Variants in AVEN observed in about 807,000 individuals in gnomAD.
The protein encoded by AVEN is cell death regulator Aven.
In AVEN, 41 loss-of-function variants were observed where a neutral mutation model predicts 38.1. The ratio of observed to expected loss-of-function variants is 1.08; its 90% CI spans 0.84 to 1.40. AVEN has a LOEUF of 1.40. Among genes scored for constraint, AVEN ranks in the 40% most tolerant of loss-of-function variants. The pLI is 0.00. For synonymous variants in AVEN, 206 were observed against 171.8 expected (o/e 1.20, Z -1.56); for missense variants, 605 against 438.8 (o/e 1.38, Z -3.38).
At chr15:34,053,299 C>CAAAA (rs71454513) in intron 5 of AVEN, among the ~76,000 whole-genome samples, 160 of 51,530 alleles carry the variant, frequency 3.1e-3, no homozygotes, top group African/African-American at 5.5e-3. Flanking sequence ...GACTCCATCT[C>CAAAA]AAAAAAAAAA....
intron 2 of AVEN, among the ~76,000 whole-genome samples, chr15:33,937,258 G>C (rs1423948716): frequency 6.6e-6 from 1 of 151,812 alleles, no homozygotes. Flanking sequence ...ATCAGGGCCG[G>C]GCACGGTGGC....
downstream of AVEN, chr15:33,855,013 G>T (rs183705714): frequency 1.7e-3 from 2,087 of 1,200,116 alleles, 8 homozygotes; most frequent in Admixed American, 2.1e-3. Flanking sequence ...AATATGTCTT[G>T]GTATATAATG....
Position 33,897,605 on chromosome 15 carries a change from T to C in AVEN, c.446-21610A>G, listed in dbSNP as rs558643976. Among the ~76,000 whole-genome samples the C allele has an allele frequency of 1.3e-4, 20 of 152,168 alleles. No individual in the cohort carries two copies. In the South Asian group the frequency reaches 4.1e-3, roughly 32 times the overall value. On this transcript the variant is annotated intron_variant, in intron 2 of 5. Coordinates refer to ENST00000306730, the MANE Select transcript of AVEN (RefSeq NM_020371.3). The stretch of plus-strand genomic sequence containing the variant: ...TTTTTTAAACAACAGCTGCCAGGCC[T>C]GGTGGCTCATGCCTATAATCCCAGC...
chr15:33,922,999 C>T (rs1262876475), intron 2 of AVEN, among the ~76,000 whole-genome samples: 1 of 152,136 alleles, frequency 6.6e-6, no homozygotes, highest in African/African-American at 2.4e-5. Flanking sequence ...TGTATATATA[C>T]ACTTAATGAA....
chr15:33,957,218 A>G (rs1359197284), intron 2 of AVEN, among the ~76,000 whole-genome samples: 1 of 152,222 alleles, frequency 6.6e-6, no homozygotes, highest in African/African-American at 2.4e-5. Context: ...CATAGATTTC[A>G]ATTCTCTTAG....
intron 2 of AVEN, among the ~76,000 whole-genome samples, chr15:33,897,221 C>T (rs185271584): frequency 1.4e-3 from 207 of 152,224 alleles, no homozygotes; most frequent in Non-Finnish European, 1.5e-3. Flanking sequence ...AGACTACTTA[C>T]ATTTGTAAAA....
chr15:33,924,596 A>G (rs1893542716), intron 2 of AVEN, among the ~76,000 whole-genome samples: 2 of 152,212 alleles, frequency 1.3e-5, no homozygotes, highest in South Asian at 2.1e-4. Flanking sequence ...TGCTGGGATT[A>G]TAGGCGTGAG....
upstream of AVEN, among the ~76,000 whole-genome samples, chr15:34,041,679 C>T (rs907923908): frequency 6.6e-6 from 1 of 152,140 alleles, no homozygotes; most frequent in Non-Finnish European, 1.5e-5. Context: ...TTTTTTAACA[C>T]TTATTTTGCA....
chr15:34,063,915 G>A lies in AVEN; in HGVS notation n.1127-483C>T. 1 of 1,614,192 alleles carries A rather than the reference G, an allele frequency of 6.2e-7. No individual in the cohort carries two copies. The highest frequency in any genetic ancestry group is 8.5e-7 in the Non-Finnish European group (1 of 1,180,042). On this transcript the variant is annotated intron_variant and non_coding_transcript_variant, in intron 4 of 11. Transcript: ENST00000675287. The surrounding 1 kb of genome is among the most constrained non-coding windows in gnomAD (Gnocchi z 4.1). The stretch of plus-strand genomic sequence containing the variant: ...GGAGACCAACAATGGCTGTCACAAG[G>A]TGAAAATCATGCCCTGCCCCTTCCC...
At chr15:33,874,687 T>C (rs1891147597) in intron 3 of AVEN, among the ~76,000 whole-genome samples, 1 of 152,216 alleles carries the variant, frequency 6.6e-6, no homozygotes, top group Non-Finnish European at 1.5e-5. Context: ...GTAAGGGGCT[T>C]AGAGCAATGA....
At chr15:33,920,054 G>T (rs1298894975) in intron 2 of AVEN, among the ~76,000 whole-genome samples, 1 of 151,846 alleles carries the variant, frequency 6.6e-6, no homozygotes, top group East Asian at 1.9e-4. Flanking sequence ...ACCCTCAATA[G>T]TACCCCTTGT....
intron 2 of AVEN, among the ~76,000 whole-genome samples, chr15:34,068,972 C>T (rs1265232347): frequency 4.0e-5 from 6 of 151,830 alleles, no homozygotes; most frequent in African/African-American, 1.2e-4. Flanking sequence ...CCACCACGCC[C>T]GGCTAATTTT....
intron 2 of AVEN, among the ~76,000 whole-genome samples, chr15:33,990,398 A>C (rs1378344912): frequency 6.6e-6 from 1 of 152,086 alleles, no homozygotes; most frequent in Non-Finnish European, 1.5e-5. Flanking sequence ...AAAAGAAAAG[A>C]AAAGAATGTA....
intron 2 of AVEN, among the ~76,000 whole-genome samples, chr15:33,894,564 C>T: frequency 6.9e-6 from 1 of 145,650 alleles, no homozygotes; most frequent in Non-Finnish European, 1.5e-5. Flanking sequence ...CTCACTAGCA[C>T]TTTGGGAGGC....
chr15:34,008,943 C>CGT (rs1897500556), intron 1 of AVEN, among the ~76,000 whole-genome samples: 1 of 75,492 alleles, frequency 1.3e-5, no homozygotes, highest in African/African-American at 4.5e-5. Context: ...CACACTCACA[C>CGT]GTGCGCGCGC....
At chr15:33,927,501 T>C (rs1011580321) in intron 2 of AVEN, among the ~76,000 whole-genome samples, 3 of 152,154 alleles carry the variant, frequency 2.0e-5, no homozygotes, top group African/African-American at 7.2e-5. Context: ...CTAACCATAC[T>C]TTGCTATGAT....
At chr15:33,865,378 T>C, downstream of AVEN, 1 of 623,552 alleles carries the variant, frequency 1.6e-6, no homozygotes, top group Non-Finnish European at 2.8e-6. Flanking sequence ...TATTTTGAAA[T>C]TGATTTGGCT....
At chr15:33,907,121 G>T (rs1415588539) in intron 2 of AVEN, among the ~76,000 whole-genome samples, 1 of 152,090 alleles carries the variant, frequency 6.6e-6, no homozygotes, top group Non-Finnish European at 1.5e-5. Context: ...CCTCATACTA[G>T]CATCTGGACC....
chr15:33,853,919 C>A (rs979271269), downstream of AVEN, among the ~76,000 whole-genome samples: 1 of 152,068 alleles, frequency 6.6e-6, no homozygotes, highest in Non-Finnish European at 1.5e-5. Context: ...TTGGGCTGGG[C>A]GCAGTGGCTC....
Sources: allele counts gnomAD v4.1 joint callset (sites outside exome capture counted in the v4.1 genomes callset), GRCh38; gene constraint gnomAD v4.1.1; non-coding constraint Gnocchi (gnomAD v3.1); transcripts MANE v1.5; gene names NCBI Gene and HGNC (gene_info 2026-07-23, HGNC 2026-07-21).